The following NUP35 variants were observed in gnomAD, a reference collection of about 807,000 sequenced individuals.
NUP35 encodes the protein nucleoporin 35, also known as nucleoporin NUP35.
Under a neutral mutation model 41.5 loss-of-function variants are expected in NUP35, and 25 were observed. The observed-to-expected ratio is 0.60, with a 90% confidence interval of 0.44 to 0.84. The LOEUF (loss-of-function observed/expected upper bound fraction) is 0.84, where lower values mean the gene tolerates loss of function less well. Among genes scored for constraint, NUP35 ranks in the 40% least tolerant of loss-of-function variants. The pLI, the probability that NUP35 is intolerant of heterozygous loss-of-function variation, is 0.00. For missense variants in NUP35, 396 were observed against 396.6 expected, an observed-to-expected ratio of 1.00 and a Z score of 0.01; for synonymous variants, 149 against 130.7, an observed-to-expected ratio of 1.14 and a Z score of -0.96.
chr2:183,124,533 C>T (rs1700120676), intron 1 of NUP35, 36 bp downstream of exon 1: 3 of 1,613,198 alleles, frequency 1.9e-6, no homozygotes, highest in Non-Finnish European at 2.5e-6. Flanking sequence ...CTGGCACTGC[C>T]ATCCATGCTC....
At chr2:183,130,667 G>A (rs1684666892) in intron 3 of NUP35, 122 bp downstream of exon 3, 2 of 1,049,152 alleles carry the variant, frequency 1.9e-6, no homozygotes, top group Non-Finnish European at 1.4e-6. Context: ...GTGTTGCACA[G>A]AATAAACATT....
At chr2:183,140,270 C>T (rs1028525802) in intron 4 of NUP35, among the ~76,000 whole-genome samples, 2 of 152,084 alleles carry the variant, frequency 1.3e-5, no homozygotes, top group Non-Finnish European at 2.9e-5. Flanking sequence ...AGGCTGTCCA[C>T]ATTCTTTGGT....
At chr2:183,143,513 C>A (rs1017784611) in intron 4 of NUP35, among the ~76,000 whole-genome samples, 3 of 152,138 alleles carry the variant, frequency 2.0e-5, no homozygotes, top group Non-Finnish European at 4.4e-5. Flanking sequence ...TGGGCAGGGG[C>A]AAATCTCCTT....
At chr2:183,127,962 T>C (rs1316184696) in intron 1 of NUP35, among the ~76,000 whole-genome samples, 1 of 151,798 alleles carries the variant, frequency 6.6e-6, no homozygotes, top group East Asian at 1.9e-4. Context: ...TAGACTTAGC[T>C]ACTGAGAGGC....
chr2:183,153,467 A>C (rs937252032), intron 5 of NUP35, among the ~76,000 whole-genome samples: 2 of 152,178 alleles, frequency 1.3e-5, no homozygotes, highest in Admixed American at 6.5e-5. Context: ...GGGTAAATAC[A>C]GCCATTCCAA....
chr2:183,150,057 C>T (rs1446809925), intron 4 of NUP35, among the ~76,000 whole-genome samples: 2 of 152,204 alleles, frequency 1.3e-5, no homozygotes, highest in Non-Finnish European at 1.5e-5. Context: ...CAGGCATGCA[C>T]CACCACACCT....
chr2:183,158,427 T>C lies in NUP35; in HGVS notation c.738+16T>C, dbSNP rs747566525. The C allele has an allele frequency of 1.3e-6, 2 of 1,580,092 alleles. No individual in the cohort carries two copies. Among genetic ancestry groups the C allele is most frequent in the African/African-American group, 1.3e-5 (1 of 74,184 alleles). On this transcript the variant is annotated intron_variant, in intron 7 of 8. Transcript: ENST00000295119. ...TATTGACAAAGTAAGTTATTGGTGA[T>C]GTAGGCAAAGTAGCTTAATCTATAT... is the stretch of plus-strand genomic sequence containing the variant.
At chr2:183,120,564 A>G (rs1700053535), upstream of NUP35, among the ~76,000 whole-genome samples, 1 of 152,228 alleles carries the variant, frequency 6.6e-6, no homozygotes, top group Non-Finnish European at 1.5e-5. Flanking sequence ...AGAGGCAGAA[A>G]GAATATCTCA....
rs560037769 is a variant in NUP35, at chr2:183,136,597, C to G, written c.397+2974C>G. On this transcript the variant is annotated intron_variant, in intron 4 of 8. Transcript: ENST00000295119. ...GTCCTTTGTTATGCTTCATATATCT[C>G]TAACTTTACTTTTCTGCCTTCTGCT... Among the ~76,000 whole-genome samples, 20 of 152,316 alleles carry G rather than the reference C, an allele frequency of 1.3e-4. No individual in the cohort carries two copies. The South Asian group carries it at 4.1e-3, about 32-fold the overall frequency.
chr2:183,134,630 T>A (rs917414442), intron 4 of NUP35, among the ~76,000 whole-genome samples: 3 of 151,998 alleles, frequency 2.0e-5, no homozygotes, highest in Non-Finnish European at 4.4e-5. Flanking sequence ...TTCTTTTTTT[T>A]TTTGAGATGG....
intron 4 of NUP35, 99 bp downstream of exon 4, chr2:183,133,722 C>T: frequency 4.4e-6 from 3 of 677,782 alleles, no homozygotes; most frequent in Non-Finnish European, 6.7e-6. Flanking sequence ...GTAAACAACT[C>T]TGACACCAAA....
chr2:183,140,502 T>A (rs533557914), intron 4 of NUP35, among the ~76,000 whole-genome samples: 21 of 152,180 alleles, frequency 1.4e-4, no homozygotes, highest in Non-Finnish European at 2.6e-4. Context: ...GTGGTGGCAA[T>A]GTTTATGTTT....
chr2:183,128,754 C>T (rs1315944100), intron 2 of NUP35, among the ~76,000 whole-genome samples: 1 of 151,906 alleles, frequency 6.6e-6, no homozygotes, highest in Non-Finnish European at 1.5e-5. Context: ...TGTAGTGGTG[C>T]AGCATTCACC....
intron 1 of NUP35, among the ~76,000 whole-genome samples, chr2:183,126,595 T>G (rs2105537201): frequency 6.6e-6 from 1 of 152,098 alleles, no homozygotes; most frequent in Middle Eastern, 3.4e-3. Flanking sequence ...GTAATTAGAG[T>G]TTTTCACACC....
At chr2:183,128,102 CTT>C (rs1216933483) in intron 1 of NUP35, among the ~76,000 whole-genome samples, 183 bp from the exon 2 acceptor site, 1 of 150,982 alleles carries the variant, frequency 6.6e-6, no homozygotes, top group Non-Finnish European at 1.5e-5. Context: ...TACAAGATAA[CTT>C]TACATTTTTC....
In NUP35 at chr2:183,154,565, C is replaced by T. The variant is rs565060805; in HGVS notation, c.540-2879C>T. 3.3e-5 allele frequency among the ~76,000 whole-genome samples: 5 copies of T among 152,226 alleles called. No individual in the cohort carries two copies. In the South Asian group the frequency reaches 1.0e-3, roughly 32 times the overall value. On this transcript the variant is annotated intron_variant, in intron 5 of 8. Coordinates refer to ENST00000295119, the MANE Select transcript of NUP35 (RefSeq NM_138285.5). ...TAAAACATAACAAGAGTCACCTTTG[C>T]TCCAGTCGCCAACAAGTTCCTCATC...
chr2:183,139,664 CAT>C (rs993813257), intron 4 of NUP35, among the ~76,000 whole-genome samples: 2 of 152,090 alleles, frequency 1.3e-5, no homozygotes, highest in African/African-American at 4.8e-5. Context: ...GGAAGAGAAA[CAT>C]ATAGAGGAGA....
chr2:183,159,815 C>T (rs1051375433), intron 8 of NUP35, 163 bp downstream of exon 8: 65 of 506,738 alleles, frequency 1.3e-4, no homozygotes, highest in Non-Finnish European at 2.1e-4. Flanking sequence ...TTAAAGTTAA[C>T]ATCTTGGCCA....
chr2:183,133,411 C>T (rs531680817), intron 3 of NUP35, among the ~76,000 whole-genome samples, 155 bp from the exon 4 acceptor site: 27 of 149,310 alleles, frequency 1.8e-4, no homozygotes, highest in African/African-American at 4.4e-4. Context: ...TACTGTTTAA[C>T]TTATGGGGAA....
Sources: allele counts gnomAD v4.1 joint callset (sites outside exome capture counted in the v4.1 genomes callset), GRCh38; gene constraint gnomAD v4.1.1; transcripts MANE v1.5; gene names NCBI Gene and HGNC (gene_info 2026-07-23, HGNC 2026-07-21).